Variants in KCTD1 observed in about 807,000 individuals in gnomAD.
The protein encoded by KCTD1 is potassium channel tetramerization domain containing 1.
KCTD1 carries 24 observed loss-of-function variants against 66.0 expected under a neutral mutation model. The ratio of observed to expected loss-of-function variants is 0.36; its 90% CI spans 0.26 to 0.51. The LOEUF (loss-of-function observed/expected upper bound fraction) is 0.51. Ranked by LOEUF, KCTD1 falls within the 20% of genes least tolerant of loss-of-function variation. The pLI, the probability that KCTD1 is intolerant of heterozygous loss-of-function variation, is 0.95. For missense variants in KCTD1, 943 were observed against 1,205.2 expected, an observed-to-expected ratio of 0.78 and a Z score of 3.22; for synonymous variants, 511 against 517.2, an observed-to-expected ratio of 0.99 and a Z score of 0.16.
intron 1 of KCTD1, among the ~76,000 whole-genome samples, chr18:26,628,671 C>T (rs1987554436): frequency 6.6e-6 from 1 of 151,920 alleles, no homozygotes; most frequent in South Asian, 2.1e-4. Flanking sequence ...TTAAACCTTA[C>T]TCAACTTTCT....
chr18:26,634,781 T>A (rs12954277), intron 1 of KCTD1, among the ~76,000 whole-genome samples: 25,362 of 152,106 alleles, frequency 0.17, 2,421 homozygotes, highest in Middle Eastern at 0.34. Context: ...GAGAAGAAAC[T>A]AAAGCAGTAA....
intron 2 of KCTD1, among the ~76,000 whole-genome samples, chr18:26,487,135 A>G (rs538435892): frequency 6.6e-6 from 1 of 152,312 alleles, no homozygotes; most frequent in Admixed American, 6.5e-5. Flanking sequence ...AGTCAACGGA[A>G]TATCTCTTCA....
At chr18:26,497,699 C>T (rs986089387) in intron 2 of KCTD1, among the ~76,000 whole-genome samples, 3 of 152,172 alleles carry the variant, frequency 2.0e-5, no homozygotes, top group Non-Finnish European at 4.4e-5. Context: ...AACAGCAAAA[C>T]CAGTGTTACC....
rs530305548 is a variant in KCTD1, at chr18:26,471,583, A to G, written c.2133+4932T>C. Among the ~76,000 whole-genome samples the G allele has an allele frequency of 3.3e-5, 5 of 151,776 alleles. No individual in the cohort carries two copies. The South Asian group carries it at 8.4e-4, about 25-fold the overall frequency. ...GGGTAGGATGGTGGCAGGGAGAGAG[A>G]GGGGTGGGCATAACTGTCAAATGAC... On this transcript the variant is annotated intron_variant, in intron 3 of 4. Coordinates refer to ENST00000580059, the MANE Select transcript of KCTD1 (RefSeq NM_001142730.3).
intron 1 of KCTD1, among the ~76,000 whole-genome samples, chr18:26,510,760 A>G (rs1210787916): frequency 6.6e-6 from 1 of 152,240 alleles, no homozygotes; most frequent in East Asian, 1.9e-4. Flanking sequence ...ATATTTTTAA[A>G]TACACTTAAA....
At chr18:26,643,088 C>T (rs1987862205), upstream of KCTD1, among the ~76,000 whole-genome samples, 1 of 152,132 alleles carries the variant, frequency 6.6e-6, no homozygotes, top group South Asian at 2.1e-4. Context: ...TCCCACGGTT[C>T]TGGAGGCTGG....
chr18:26,584,101 A>C (rs1225392545), intron 1 of KCTD1, among the ~76,000 whole-genome samples: 1 of 152,174 alleles, frequency 6.6e-6, no homozygotes, highest in Non-Finnish European at 1.5e-5. Context: ...GTCATTTCTT[A>C]TATGAAAGAC....
At chr18:26,543,158 A>C (rs1292200934) in intron 1 of KCTD1, 1 of 152,236 alleles carries the variant, frequency 6.6e-6, no homozygotes, top group African/African-American at 2.4e-5. Context: ...CAAAACATTT[A>C]GTTTCTCCAC....
intron 1 of KCTD1, among the ~76,000 whole-genome samples, chr18:26,592,707 T>TTATAATC (rs1986636384): frequency 6.6e-6 from 1 of 152,202 alleles, no homozygotes; most frequent in Admixed American, 6.5e-5. Context: ...GTGCTCCAGC[T>TTATAATC]CTGAAAACTT....
At chr18:26,469,799 T>C (rs1183573590) in intron 3 of KCTD1, among the ~76,000 whole-genome samples, 1 of 152,140 alleles carries the variant, frequency 6.6e-6, no homozygotes, top group African/African-American at 2.4e-5. Context: ...ATACTAAGCA[T>C]TGATTATGTG....
intron 1 of KCTD1, among the ~76,000 whole-genome samples, chr18:26,516,603 C>T (rs557988403): frequency 6.6e-6 from 1 of 152,284 alleles, no homozygotes; most frequent in Non-Finnish European, 1.5e-5. Flanking sequence ...TGGAAGATCA[C>T]AGGCATCAGT....
chr18:26,622,725 A>C (rs1987412642), intron 1 of KCTD1, among the ~76,000 whole-genome samples: 1 of 152,064 alleles, frequency 6.6e-6, no homozygotes, highest in African/African-American at 2.4e-5. Flanking sequence ...TGAGATCTGA[A>C]GCAGGAGCCT....
chr18:26,545,434 A>G (rs1985165559), intron 1 of KCTD1: 1 of 152,196 alleles, frequency 6.6e-6, no homozygotes, highest in Admixed American at 6.6e-5. Flanking sequence ...TTTGGTGTTT[A>G]TATTACCACT....
intron 1 of KCTD1, among the ~76,000 whole-genome samples, chr18:26,570,486 G>A (rs1225219559): frequency 6.6e-6 from 1 of 152,080 alleles, no homozygotes; most frequent in Non-Finnish European, 1.5e-5. Context: ...ATAGCTCACT[G>A]CAGCCTCGAC....
chr18:26,548,239 C>T lies in KCTD1; in HGVS notation c.298G>A (p.Asp100Asn), dbSNP rs1328182080. The T allele has an allele frequency of 2.0e-6, 3 of 1,512,796 alleles. No homozygotes were observed. Among genetic ancestry groups the T allele is most frequent in the Admixed American group, 2.0e-5 (1 of 49,352 alleles). 93.7% of individuals were successfully genotyped at this position (1,512,796 alleles called of 1,614,324 possible). Residue 100 changes from aspartate to asparagine, a missense_variant, in exon 1 of 5, where the codon GAC (aspartate) becomes AAC (asparagine). Asp to Asn is a conservative substitution (Grantham distance 23, BLOSUM62 1). Coordinates refer to ENST00000580059, the MANE Select transcript of KCTD1 (RefSeq NM_001142730.3). ...EEEEEEEMGLDWDEPLEPEDS... is the reference protein window; with the variant it reads ...EEEEEEEMGLNWDEPLEPEDS... ...TCGGGCTCCAGGGGCTCGTCCCAGT[C>T]CAGCCCCATCTCCTCCTCTTCCTCC...
intron 2 of KCTD1, among the ~76,000 whole-genome samples, chr18:26,479,737 AC>A (rs1981537151): frequency 6.6e-6 from 1 of 152,244 alleles, no homozygotes; most frequent in South Asian, 2.1e-4. Context: ...TTGTGAAAAC[AC>A]AGTGGAGGGG....
chr18:26,459,735 A>ACTT lies in KCTD1; in HGVS notation c.2321_2323dup (p.Glu774dup). 6.2e-7 allele frequency: 1 copy of ACTT among 1,614,104 alleles called. No individual in the cohort carries two copies. Among genetic ancestry groups the ACTT allele is most frequent in the East Asian group, 2.2e-5 (1 of 44,876 alleles). On this transcript the variant is annotated inframe_insertion, in exon 4 of 5. Transcript: ENST00000580059. Reference sequence around the variant, plus strand: ...CATCACGTCGCCGATCTCTGGAAATACTTCTTCTATCAAGGATTTGTCACC... The same window carrying ACTT: ...CATCACGTCGCCGATCTCTGGAAATACTTCTTCTTCTATCAAGGATTTGTCACC...
rs1984738021 is a variant in KCTD1 at position 26,536,939 on chromosome 18, AC to A, written c.1809+9788del. Reference sequence around the variant, plus strand: ...TTCATAAATTAAAAAAAAAAAACCCACGAGACACATTCCTGGATCATTACCA... The same window carrying A: ...TTCATAAATTAAAAAAAAAAAACCCAGAGACACATTCCTGGATCATTACCA... On this transcript the variant is annotated intron_variant, in intron 1 of 4. Coordinates refer to ENST00000580059, the MANE Select transcript of KCTD1 (RefSeq NM_001142730.3). Among the ~76,000 whole-genome samples the A allele has an allele frequency of 4.0e-5, 6 of 151,256 alleles. No individual in the cohort carries two copies. The South Asian group carries it at 1.2e-3, about 31-fold the overall frequency.
At position 26,599,666 on chromosome 18, in the gene KCTD1, C is replaced by T. The variant is rs1463809409; in HGVS notation, c.-16+29481G>A. ...TTTGGCTGAAATCACCCAGATCCTT[C>T]GGCCTGGTGGATGTCTTTTTCTGAA... is the stretch of plus-strand genomic sequence containing the variant. On this transcript the variant is annotated intron_variant, in intron 1 of 4. Transcript: ENST00000317932. 12 of 1,475,628 alleles carry T rather than the reference C, an allele frequency of 8.1e-6. No individual in the cohort carries two copies. In the Admixed American group the frequency reaches 8.4e-5, roughly 10 times the overall value. 91.4% of individuals were successfully genotyped at this position (1,475,628 alleles called of 1,614,324 possible).
Sources: gnomAD v4.1 joint callset for allele counts (sites outside exome capture counted in the v4.1 genomes callset) on GRCh38, gnomAD v4.1.1 for gene constraint, MANE v1.5 for transcripts, NCBI Gene and HGNC (gene_info 2026-07-23, HGNC 2026-07-21) for gene names.